Variants in ABCC4 observed in about 807,000 individuals in gnomAD.
ABCC4 encodes ATP-binding cassette sub-family C member 4.
Under a neutral mutation model 168.5 loss-of-function variants are expected in ABCC4, and 102 were observed. The observed-to-expected ratio is 0.61, with a 90% CI of 0.52 to 0.71. The LOEUF (loss-of-function observed/expected upper bound fraction) is 0.71. Among genes scored for constraint, ABCC4 ranks in the 30% least tolerant of loss-of-function variants. The probability of loss-of-function intolerance (pLI) is 0.00; values close to 1 mark genes in which losing one functional copy is unlikely to be tolerated. For missense variants in ABCC4, 1,402 were observed against 1,605.8 expected (o/e 0.87, Z 2.17); for synonymous variants, 617 against 590.7 (o/e 1.04, Z -0.65).
chr13:95,132,688 C>A (rs2036010761), intron 19 of ABCC4, among the ~76,000 whole-genome samples: 1 of 152,142 alleles, frequency 6.6e-6, no homozygotes, highest in African/African-American at 2.4e-5. Flanking sequence ...CCCACAGATA[C>A]AGAGGCTGGC....
chr13:95,153,858 C>T (rs777200213), intron 19 of ABCC4, among the ~76,000 whole-genome samples: 23 of 152,180 alleles, frequency 1.5e-4, no homozygotes, highest in Admixed American at 6.5e-4. Flanking sequence ...ATATATGTAA[C>T]TACGTAACTA....
intron 30 of ABCC4, among the ~76,000 whole-genome samples, chr13:95,033,398 T>G (rs2031972324): frequency 6.6e-6 from 1 of 152,174 alleles, no homozygotes; most frequent in Non-Finnish European, 1.5e-5. Context: ...CATTGGATGT[T>G]CCTTCCCTCC....
At chr13:95,060,636 C>T (rs911620831) in intron 26 of ABCC4, among the ~76,000 whole-genome samples, 1 of 152,174 alleles carries the variant, frequency 6.6e-6, no homozygotes, top group African/African-American at 2.4e-5. Context: ...CTAAGTCATG[C>T]TTCTAATAGC....
intron 19 of ABCC4, among the ~76,000 whole-genome samples, chr13:95,122,985 G>C (rs1165036569): frequency 6.6e-6 from 1 of 152,090 alleles, no homozygotes. Context: ...GTAATTTCCA[G>C]GTTTTATTAC....
At chr13:95,068,136 T>A (rs182580619) in intron 25 of ABCC4, among the ~76,000 whole-genome samples, 3 of 152,304 alleles carry the variant, frequency 2.0e-5, no homozygotes, top group East Asian at 1.9e-4. Context: ...CATTCCTACA[T>A]CTCCACTGGA....
At position 95,093,656 on chromosome 13, in the gene ABCC4, C is replaced by T. The variant is rs1033756117; in HGVS notation, c.2536-10366G>A. 2.6e-5 allele frequency among the ~76,000 whole-genome samples: 4 copies of T among 152,040 alleles called. No homozygotes were observed. In the East Asian group the frequency reaches 7.7e-4, roughly 29 times the overall value. ...ACAAGACAAGGATGCCCACTCTTACCACTCCTCTTCAACATAGTACTGGAA... is the reference window on the plus strand; with the variant it reads ...ACAAGACAAGGATGCCCACTCTTACTACTCCTCTTCAACATAGTACTGGAA... On this transcript the variant is annotated intron_variant, in intron 20 of 30. Coordinates refer to ENST00000645237, the MANE Select transcript of ABCC4 (RefSeq NM_005845.5).
At chr13:95,175,684 C>A (rs2037653474) in intron 13 of ABCC4, among the ~76,000 whole-genome samples, 1 of 152,200 alleles carries the variant, frequency 6.6e-6, no homozygotes, top group Non-Finnish European at 1.5e-5. Flanking sequence ...TGACTGGTGT[C>A]TTTTCAGGAA....
At chr13:95,171,448 A>G (rs1254091417) in intron 13 of ABCC4, among the ~76,000 whole-genome samples, 1 of 151,952 alleles carries the variant, frequency 6.6e-6, no homozygotes. Flanking sequence ...TCCCAGCTAG[A>G]AGGGAGGCTA....
intron 19 of ABCC4, among the ~76,000 whole-genome samples, chr13:95,157,504 AGG>A (rs2036910724): frequency 7.7e-6 from 1 of 129,610 alleles, no homozygotes; most frequent in Non-Finnish European, 1.8e-5. Flanking sequence ...AGAAAGAGGA[AGG>A]AAGGAAGGAA....
rs1241270819 is a variant in ABCC4, at chr13:95,041,830, T to TA, written c.3735+1851dup. Among the ~76,000 whole-genome samples, 6 of 152,316 alleles carry TA rather than the reference T, an allele frequency of 3.9e-5. No homozygotes were observed. In the East Asian group the frequency reaches 1.2e-3, roughly 29 times the overall value. ...CTTTCAGCTAGGGGTTGAGGGAACA[T>TA]AGAGGCCAGTTCCCAATCTCAAGCT... is the stretch of plus-strand genomic sequence containing the variant. On this transcript the variant is annotated intron_variant, in intron 29 of 30. Transcript: ENST00000645237.
chr13:95,244,936 A>G (rs4148448), intron 3 of ABCC4, among the ~76,000 whole-genome samples: 137,405 of 151,858 alleles, frequency 0.9, 62,315 homozygotes, highest in African/African-American at 0.94. Context: ...AACTGTACCC[A>G]TATTAAAGCT....
At chr13:95,274,520 C>T (rs551237653) in intron 1 of ABCC4, among the ~76,000 whole-genome samples, 1 of 152,296 alleles carries the variant, frequency 6.6e-6, no homozygotes, top group Admixed American at 6.5e-5. Context: ...CAAAATTATT[C>T]AAACTAGCCA....
chr13:95,269,950 G>A lies in ABCC4; in HGVS notation c.75-22197C>T, dbSNP rs115665926. Among the ~76,000 whole-genome samples, 1,171 of 152,318 alleles carry A rather than the reference G, an allele frequency of 7.7e-3. 18 individuals are homozygous for A. The highest frequency in any genetic ancestry group is 0.027 in the African/African-American group (1,129 of 41,564). ...CTTCTAGGGCAGGAAATGAGTAGAA[G>A]GAGGGTTAAGATTGGCTGGGAATTG... is the stretch of plus-strand genomic sequence containing the variant. On this transcript the variant is annotated intron_variant, in intron 1 of 30. Coordinates refer to ENST00000645237, the MANE Select transcript of ABCC4 (RefSeq NM_005845.5).
At chr13:95,205,751 C>A (rs190727862) in intron 8 of ABCC4, among the ~76,000 whole-genome samples, 1 of 152,162 alleles carries the variant, frequency 6.6e-6, no homozygotes, top group Admixed American at 6.5e-5. Flanking sequence ...GTGATCAGGT[C>A]GCTACGGCAG....
At chr13:95,176,609 G>A (rs1283857019) in intron 13 of ABCC4, among the ~76,000 whole-genome samples, 1 of 152,156 alleles carries the variant, frequency 6.6e-6, no homozygotes, top group African/African-American at 2.4e-5. Context: ...AATTCCTTAT[G>A]GGCAAGAATG....
At chr13:95,202,852 G>C (rs1013375719) in intron 8 of ABCC4, among the ~76,000 whole-genome samples, 1 of 151,822 alleles carries the variant, frequency 6.6e-6, no homozygotes, top group Non-Finnish European at 1.5e-5. Context: ...CAGAGGCGGG[G>C]TTTCACCATG....
At chr13:95,175,277 T>G (rs2037631489) in intron 13 of ABCC4, among the ~76,000 whole-genome samples, 1 of 152,122 alleles carries the variant, frequency 6.6e-6, no homozygotes, top group Non-Finnish European at 1.5e-5. Context: ...CCTAGCACCT[T>G]AGAAATTGAA....
chr13:95,067,226 T>C (rs1007439871), intron 25 of ABCC4, among the ~76,000 whole-genome samples: 1 of 152,152 alleles, frequency 6.6e-6, no homozygotes, highest in African/African-American at 2.4e-5. Flanking sequence ...AAAACTGTGA[T>C]AGAAGACAGA....
At chr13:95,031,854 G>A (rs2031892885) in intron 30 of ABCC4, among the ~76,000 whole-genome samples, 1 of 152,132 alleles carries the variant, frequency 6.6e-6, no homozygotes, top group South Asian at 2.1e-4. Flanking sequence ...AAAATTCTAT[G>A]ACCTATTTCT....
Sources: allele counts gnomAD v4.1 joint callset (sites outside exome capture counted in the v4.1 genomes callset), GRCh38; gene constraint gnomAD v4.1.1; transcripts MANE v1.5; gene names NCBI Gene and HGNC (gene_info 2026-07-23, HGNC 2026-07-21).